Variants in CUX1 observed in about 807,000 individuals in gnomAD.
CUX1 encodes the protein cut like homeobox 1.
A neutral mutation model predicts 158.8 loss-of-function variants in CUX1; 31 were observed. The observed-to-expected ratio is 0.20, with a 90% CI of 0.15 to 0.26. The LOEUF (loss-of-function observed/expected upper bound fraction) is 0.26, where lower values mean the gene tolerates loss of function less well. Among genes scored for constraint, CUX1 ranks in the 10% least tolerant of loss-of-function variants. CUX1 has a pLI of 1.00. For missense variants in CUX1, 1,589 were observed against 2,014.6 expected (o/e 0.79, Z 4.04); for synonymous variants, 879 against 862.1 (o/e 1.02, Z -0.34).
chr7:101,889,142 C>T (rs535601617), intron 1 of CUX1, among the ~76,000 whole-genome samples: 163 of 151,382 alleles, frequency 1.1e-3, no homozygotes, highest in African/African-American at 3.7e-3. Context: ...ACCTGTGATC[C>T]CAGATACTTA....
At chr7:102,157,311 G>A (rs542454872) in intron 8 of CUX1, among the ~76,000 whole-genome samples, 2 of 151,214 alleles carry the variant, frequency 1.3e-5, no homozygotes, top group Non-Finnish European at 2.9e-5. Flanking sequence ...TTGGCTCCAT[G>A]GCCCTTGGGT....
intron 10 of CUX1, among the ~76,000 whole-genome samples, chr7:102,177,418 A>T (rs1792499478): frequency 6.7e-6 from 1 of 150,162 alleles, no homozygotes; most frequent in African/African-American, 2.5e-5. Context: ...TATCTCAAAA[A>T]AAAAAAAAAA....
At chr7:102,008,769 C>A (rs766319134) in intron 2 of CUX1, among the ~76,000 whole-genome samples, 1 of 152,184 alleles carries the variant, frequency 6.6e-6, no homozygotes, top group Non-Finnish European at 1.5e-5. Flanking sequence ...TGCCTACTTA[C>A]GATGAACAAA....
At chr7:101,997,012 G>A (rs188606114) in intron 2 of CUX1, among the ~76,000 whole-genome samples, 1 of 141,430 alleles carries the variant, frequency 7.1e-6, no homozygotes, top group Non-Finnish European at 1.5e-5. Context: ...TGTGCACTCC[G>A]GCCCAGCCTT....
At chr7:101,861,787 C>T (rs1211910598) in intron 1 of CUX1, among the ~76,000 whole-genome samples, 12 of 150,140 alleles carry the variant, frequency 8.0e-5, no homozygotes, top group Admixed American at 3.3e-4. Flanking sequence ...TTTTTTGAGA[C>T]GGAGCCTCAC....
At chr7:102,094,928 G>T (rs1400598435) in intron 4 of CUX1, among the ~76,000 whole-genome samples, 1 of 152,096 alleles carries the variant, frequency 6.6e-6, no homozygotes, top group Non-Finnish European at 1.5e-5. Context: ...ACAGCACCTG[G>T]AATCTTTTCA....
At chr7:102,233,817 A>G (rs1400594319) in intron 21 of CUX1, among the ~76,000 whole-genome samples, 4 of 152,100 alleles carry the variant, frequency 2.6e-5, no homozygotes, top group Non-Finnish European at 4.4e-5. Context: ...GAGAAATGTC[A>G]TTGGTTGTGT....
Position 101,988,837 on chromosome 7 carries a change from A to G in CUX1, c.142-39261A>G, listed in dbSNP as rs1002742749. Among the ~76,000 whole-genome samples, 10 of 152,064 alleles carry G rather than the reference A, an allele frequency of 6.6e-5. No individual in the cohort carries two copies. In the South Asian group the frequency reaches 1.5e-3, roughly 22 times the overall value. ...CAGCATAATGAGATTCCATCTCTAC[A>G]AAAAAATAAAATTTAGCCAAGTGTG... On this transcript the variant is annotated intron_variant, in intron 2 of 23. Transcript: ENST00000292535.
At chr7:102,202,626 C>A (rs961954991) in intron 18 of CUX1, among the ~76,000 whole-genome samples, 1 of 152,150 alleles carries the variant, frequency 6.6e-6, no homozygotes, top group South Asian at 2.1e-4. Context: ...CAAAAAAAAT[C>A]CCATCTGATC....
At chr7:101,868,933 T>C (rs1202902791) in intron 1 of CUX1, among the ~76,000 whole-genome samples, 1 of 152,056 alleles carries the variant, frequency 6.6e-6, no homozygotes, top group East Asian at 1.9e-4. Flanking sequence ...GGGAGAGGGC[T>C]GGAAACCTGG....
At chr7:102,228,737 G>A (rs1235092236) in intron 21 of CUX1, among the ~76,000 whole-genome samples, 1 of 152,186 alleles carries the variant, frequency 6.6e-6, no homozygotes, top group South Asian at 2.1e-4. Context: ...GTTTTAGGCT[G>A]CAGTGAGCTA....
chr7:102,122,782 T>A (rs1398634469), intron 8 of CUX1, among the ~76,000 whole-genome samples: 1 of 152,148 alleles, frequency 6.6e-6, no homozygotes, highest in African/African-American at 2.4e-5. Flanking sequence ...TTTACTCCTC[T>A]CCTTCATTGA....
At chr7:102,127,792 C>T (rs375220049) in intron 8 of CUX1, among the ~76,000 whole-genome samples, 3 of 152,144 alleles carry the variant, frequency 2.0e-5, no homozygotes, top group African/African-American at 7.2e-5. Flanking sequence ...CTTTCTATGC[C>T]TTCATGTTCT....
At chr7:102,003,335 C>CACACACACACACGCCT (rs3222405) in intron 2 of CUX1, among the ~76,000 whole-genome samples, 9 of 145,266 alleles carry the variant, frequency 6.2e-5, no homozygotes, top group Admixed American at 4.0e-4. Context: ...CACACACACA[C>CACACACACACACGCCT]GCCCGCCCCC....
At chr7:101,819,472 T>C (rs1792238568) in intron 1 of CUX1, among the ~76,000 whole-genome samples, 1 of 152,234 alleles carries the variant, frequency 6.6e-6, no homozygotes, top group Admixed American at 6.5e-5. Context: ...GCCTTCTTTT[T>C]CAGAATCAAA....
intron 4 of CUX1, among the ~76,000 whole-genome samples, chr7:102,079,667 G>A (rs547493684): frequency 1.3e-5 from 2 of 152,290 alleles, no homozygotes; most frequent in African/African-American, 4.8e-5. Context: ...TGTAACTTCA[G>A]TAGCAGGAGA....
At chr7:102,136,093 G>A (rs150237728) in intron 8 of CUX1, among the ~76,000 whole-genome samples, 163 of 151,784 alleles carry the variant, frequency 1.1e-3, no homozygotes, top group African/African-American at 3.8e-3. Context: ...GTTTCTGTTT[G>A]TTATTCTTTA....
At chr7:102,169,174 C>A (rs1213384147) in intron 9 of CUX1, among the ~76,000 whole-genome samples, 3 of 152,024 alleles carry the variant, frequency 2.0e-5, no homozygotes, top group African/African-American at 7.3e-5. Flanking sequence ...CTCAGGTGAT[C>A]TGCCCACTTC....
chr7:101,933,069 T>C (rs1012046253), intron 2 of CUX1, among the ~76,000 whole-genome samples: 3 of 152,244 alleles, frequency 2.0e-5, no homozygotes, highest in Non-Finnish European at 2.9e-5. Flanking sequence ...AATGAACTGA[T>C]TAGAACCAGA....
Sources: gnomAD v4.1 joint callset for allele counts (sites outside exome capture counted in the v4.1 genomes callset) on GRCh38, gnomAD v4.1.1 for gene constraint, MANE v1.5 for transcripts, NCBI Gene and HGNC (gene_info 2026-07-23, HGNC 2026-07-21) for gene names.